Variants in UBE2G1 observed in about 807,000 individuals in gnomAD.
UBE2G1 encodes the protein ubiquitin conjugating enzyme E2 G1, also known as ubiquitin-conjugating enzyme E2 G1.
Under a neutral mutation model 22.7 loss-of-function variants are expected in UBE2G1, and 5 were observed. That is an observed-to-expected ratio of 0.22 (90% CI 0.12 to 0.46). The LOEUF (loss-of-function observed/expected upper bound fraction) is 0.46. Among genes scored for constraint, UBE2G1 ranks in the 20% least tolerant of loss-of-function variants. The pLI is 0.99. For synonymous variants in UBE2G1, 74 were observed against 67.5 expected (o/e 1.10, Z -0.47); for missense variants, 88 against 203.9 (o/e 0.43, Z 3.46).
chr17:4,334,418 G>C (rs1275208591), intron 1 of UBE2G1, among the ~76,000 whole-genome samples: 1 of 152,068 alleles, frequency 6.6e-6, no homozygotes, highest in Non-Finnish European at 1.5e-5. Context: ...TATATTTCAT[G>C]CCATTAATAA....
intron 3 of UBE2G1, among the ~76,000 whole-genome samples, chr17:4,293,357 C>G (rs1336542453): frequency 6.6e-6 from 1 of 152,136 alleles, no homozygotes; most frequent in Non-Finnish European, 1.5e-5. Flanking sequence ...TCATGTAATT[C>G]ATTTCTTTTT....
At chr17:4,359,873 A>AC (rs35700313) in intron 1 of UBE2G1, among the ~76,000 whole-genome samples, 54,786 of 148,882 alleles carry the variant, frequency 0.37, 10,599 homozygotes, top group African/African-American at 0.48. Flanking sequence ...AAAAACAAAC[A>AC]AAAAAAAACT....
chr17:4,339,593 C>T (rs750625107), intron 1 of UBE2G1, among the ~76,000 whole-genome samples: 1 of 152,172 alleles, frequency 6.6e-6, no homozygotes, highest in Non-Finnish European at 1.5e-5. Context: ...GCGTGAGCCA[C>T]CGCGCCTGGC....
chr17:4,361,959 C>CAAA lies in UBE2G1; in HGVS notation c.46+4309_46+4311dup, dbSNP rs35792021. ...CCTGGGCGACAGAGCAAGACTGTCTCAAAAAAAAAAAAAAAAAAAAAAGAC... is the reference window on the plus strand; with the variant it reads ...CCTGGGCGACAGAGCAAGACTGTCTCAAAAAAAAAAAAAAAAAAAAAAAAAGAC... On this transcript the variant is annotated intron_variant, in intron 1 of 5. Transcript: ENST00000396981. Among the ~76,000 whole-genome samples the CAAA allele has an allele frequency of 2.0e-3, 137 of 68,164 alleles. 1 individual carries two copies. The highest frequency in any genetic ancestry group is 7.8e-3 in the Middle Eastern group (1 of 128). 44.7% of individuals were successfully genotyped at this position (68,164 alleles called of 152,430 possible). A position where few individuals can be genotyped will look rare whatever the true frequency, so the allele number is the denominator to read the frequency against.
chr17:4,341,486 G>A (rs1969711520), intron 1 of UBE2G1, among the ~76,000 whole-genome samples: 1 of 152,044 alleles, frequency 6.6e-6, no homozygotes, highest in Admixed American at 6.6e-5. Flanking sequence ...CACTGCTCCA[G>A]AAATTCCTAC....
intron 1 of UBE2G1, among the ~76,000 whole-genome samples, chr17:4,349,256 G>A (rs1005973383): frequency 6.6e-6 from 1 of 151,926 alleles, no homozygotes; most frequent in Non-Finnish European, 1.5e-5. Flanking sequence ...GGAGGCAGAG[G>A]TTGCAGTGAG....
chr17:4,324,799 C>T (rs1258950603), intron 1 of UBE2G1, among the ~76,000 whole-genome samples: 9 of 151,944 alleles, frequency 5.9e-5, no homozygotes, highest in East Asian at 1.9e-4. Context: ...AGTTTAAGGC[C>T]GGGCGCGGTG....
chr17:4,363,571 T>G (rs1474867917), intron 1 of UBE2G1, among the ~76,000 whole-genome samples: 1 of 152,220 alleles, frequency 6.6e-6, no homozygotes, highest in Non-Finnish European at 1.5e-5. Context: ...CACACATTGC[T>G]GCTGCTGACA....
At chr17:4,305,565 C>T (rs907303013) in intron 2 of UBE2G1, among the ~76,000 whole-genome samples, 16 of 152,286 alleles carry the variant, frequency 1.1e-4, no homozygotes, top group East Asian at 1.9e-4. Flanking sequence ...TTTTTTGAGA[C>T]GGAGTCTCGC....
chr17:4,281,822 A>G (rs543114469), intron 5 of UBE2G1, among the ~76,000 whole-genome samples: 1 of 152,332 alleles, frequency 6.6e-6, no homozygotes, highest in African/African-American at 2.4e-5. Context: ...AACTATAGAA[A>G]TGATCCCTGA....
intron 1 of UBE2G1, among the ~76,000 whole-genome samples, chr17:4,313,195 A>G (rs150759295): frequency 1.3e-5 from 2 of 152,380 alleles, no homozygotes; most frequent in African/African-American, 4.8e-5. Flanking sequence ...TTTCACATCA[A>G]TTTGAGTGGA....
intron 1 of UBE2G1, among the ~76,000 whole-genome samples, chr17:4,363,998 C>T (rs1252366169): frequency 1.4e-5 from 2 of 147,200 alleles, no homozygotes; most frequent in Non-Finnish European, 3.0e-5. Flanking sequence ...GGCACGGTGG[C>T]TCACGCCTGT....
At position 4,290,488 on chromosome 17, in the gene UBE2G1, T is replaced by C. The variant is rs191323485; in HGVS notation, c.248-1080A>G. Among the ~76,000 whole-genome samples the C allele has an allele frequency of 7.9e-5, 12 of 152,304 alleles. No homozygotes were observed. In the East Asian group the frequency reaches 2.1e-3, roughly 27 times the overall value. On this transcript the variant is annotated intron_variant, in intron 3 of 5. Transcript: ENST00000396981. ...TGTCTGTTGTTGCTGTTTTGGTTTT[T>C]TGAGACAGGGCCTCACTTTGTCACC...
At chr17:4,315,231 C>G (rs1969352225) in intron 1 of UBE2G1, among the ~76,000 whole-genome samples, 1 of 151,940 alleles carries the variant, frequency 6.6e-6, no homozygotes, top group South Asian at 2.1e-4. Context: ...CCCATTATAC[C>G]TATCTGTCTA....
chr17:4,315,480 C>T (rs1004737031), intron 1 of UBE2G1, among the ~76,000 whole-genome samples: 3 of 152,056 alleles, frequency 2.0e-5, no homozygotes, highest in Admixed American at 1.3e-4. Context: ...GTGGCTCGCG[C>T]CTGTAATCCC....
rs368263821 is a variant in UBE2G1 at position 4,361,321 on chromosome 17, G to A, written c.46+4950C>T. Among the ~76,000 whole-genome samples, 136 of 152,066 alleles carry A rather than the reference G, an allele frequency of 8.9e-4. 1 individual carries two copies. The highest frequency in any genetic ancestry group is 3.1e-3 in the African/African-American group (128 of 41,484). ...GTGGGCAGATCACTTGAGGTCAGGA[G>A]TTCAAGACCAGCCTGGCCAACATGG... On this transcript the variant is annotated intron_variant, in intron 1 of 5. Coordinates refer to ENST00000396981, the MANE Select transcript of UBE2G1 (RefSeq NM_003342.5).
At chr17:4,337,409 T>A (rs1256171243) in intron 1 of UBE2G1, among the ~76,000 whole-genome samples, 4 of 150,794 alleles carry the variant, frequency 2.7e-5, no homozygotes, top group African/African-American at 9.7e-5. Context: ...TCCCAGCACT[T>A]TGGGAGGTCG....
rs1968729871 is a variant in UBE2G1, at chr17:4,269,742, T to C, written c.*2812A>G. 5.4e-6 allele frequency: 1 copy of C among 186,216 alleles called. No homozygotes were observed. The highest frequency in any genetic ancestry group is 2.4e-5 in the African/African-American group (1 of 41,574). The allele number at this position is 186,216 out of a possible 1,614,324, so 11.5% of individuals were successfully genotyped here. ...AAGCACAGACTGAAATCTATATGCC[T>C]CTACGAGAACTTGGAATAAATTTAG... On this transcript the variant is annotated 3_prime_UTR_variant, in exon 6 of 6. Transcript: ENST00000396981.
At chr17:4,340,239 T>TC (rs1329344137) in intron 1 of UBE2G1, among the ~76,000 whole-genome samples, 1 of 152,204 alleles carries the variant, frequency 6.6e-6, no homozygotes. Flanking sequence ...CTTATTTATA[T>TC]CCCCTCTTTC....
Sources: gnomAD v4.1 joint callset for allele counts (sites outside exome capture counted in the v4.1 genomes callset) on GRCh38, gnomAD v4.1.1 for gene constraint, MANE v1.5 for transcripts, NCBI Gene and HGNC (gene_info 2026-07-23, HGNC 2026-07-21) for gene names.